The following MACF1 variants were observed in gnomAD, a reference collection of about 807,000 sequenced individuals.
The protein encoded by MACF1 is microtubule actin crosslinking factor 1.
Under a neutral mutation model 854.8 loss-of-function variants are expected in MACF1, and 193 were observed. The observed-to-expected ratio is 0.23, with a 90% CI of 0.20 to 0.25. The LOEUF is 0.25. MACF1 is among the 10% of genes least tolerant of loss of function. MACF1 has a pLI of 1.00. For missense variants in MACF1, 7,722 were observed against 8,929.1 expected (o/e 0.86, Z 5.45); for synonymous variants, 3,185 against 3,226.7 (o/e 0.99, Z 0.44).
At chr1:39,339,247 CCT>C (rs1364112525) in intron 38 of MACF1, among the ~76,000 whole-genome samples, 1 of 151,868 alleles carries the variant, frequency 6.6e-6, no homozygotes, top group Non-Finnish European at 1.5e-5. Context: ...GGAGTGAGAC[CCT>C]GTCTTAAAAA....
chr1:39,259,359 T>A lies in MACF1; in HGVS notation c.528+1331T>A, dbSNP rs535099860. Among the ~76,000 whole-genome samples the A allele has an allele frequency of 5.0e-4, 76 of 152,302 alleles. No individual in the cohort carries two copies. The South Asian group carries it at 0.015, about 30-fold the overall frequency. On this transcript the variant is annotated intron_variant, in intron 6 of 100. Transcript: ENST00000564288. ...TCACTGCAACCTCCGCCTCCTGGGT[T>A]CAAGAGATTCTCCTGCCTCAGCCTC... is the stretch of plus-strand genomic sequence containing the variant.
Position 39,324,345 on chromosome 1 carries a change from G to A in MACF1, c.4389G>A (p.Gln1463=). 6.2e-7 allele frequency: 1 copy of A among 1,613,270 alleles called. No homozygotes were observed. Among genetic ancestry groups the A allele is most frequent in the Non-Finnish European group, 8.5e-7 (1 of 1,179,648 alleles). ...TTGAAAAAGCTATTTTGGAACAGCAGGTGAGAAGAAGGTCCATCTCTGTTT... is the reference window on the plus strand; with the variant it reads ...TTGAAAAAGCTATTTTGGAACAGCAAGTGAGAAGAAGGTCCATCTCTGTTT... ...TDIEKAILEQ[Q]VLSEELTTKK... Residue 1463 remains glutamine (Q), a splice_region_variant and synonymous_variant, in exon 34 of 101, where the codon CAG becomes CAA. Coordinates refer to ENST00000564288, the MANE Select transcript of MACF1 (RefSeq NM_001394062.1).
chr1:39,285,489 G>A (rs1645624908), intron 13 of MACF1, 99 bp downstream of exon 13: 3 of 1,425,712 alleles, frequency 2.1e-6, no homozygotes, highest in African/African-American at 1.4e-5. Flanking sequence ...GAATCCAGAT[G>A]TATTATTTCC....
In MACF1 at chr1:39,150,378, T is replaced by G. The variant is rs543838790; in HGVS notation, c.220+65940T>G. On this transcript the variant is annotated intron_variant, in intron 2 of 93. Transcript: ENST00000361689. ...GTATTTTGCACAGTGTCAAAAAATA[T>G]TTGGTGATTTACAAAGTAAATGGAA... Among the ~76,000 whole-genome samples, 3 of 152,316 alleles carry G rather than the reference T, an allele frequency of 2.0e-5. No homozygotes were observed. The South Asian group carries it at 6.2e-4, about 32-fold the overall frequency.
Position 39,331,934 on chromosome 1 carries a change from C to T in MACF1, c.5346C>T (p.His1782=). ...AGGIVDPRTG[H]RLTVEEAVRH... ...GCATAGTAGATCCAAGAACAGGACA[C>T]AGACTTACAGTGGAAGAGGCTGTAA... is the stretch of plus-strand genomic sequence containing the variant. Residue 1782 remains histidine, a synonymous_variant, in exon 37 of 101, where the codon CAC becomes CAT. Transcript: ENST00000564288. 2 of 1,614,116 alleles carry T rather than the reference C, an allele frequency of 1.2e-6. No individual in the cohort carries two copies. The highest frequency in any genetic ancestry group is 8.5e-7 in the Non-Finnish European group (1 of 1,180,018).
intron 6 of MACF1, among the ~76,000 whole-genome samples, chr1:39,268,202 A>G (rs1645256512): frequency 6.6e-6 from 1 of 151,782 alleles, no homozygotes. Flanking sequence ...CCTTTTTGGT[A>G]CTATTCTCCT....
chr1:39,094,363 T>C (rs1419312120), intron 2 of MACF1, among the ~76,000 whole-genome samples: 2 of 151,478 alleles, frequency 1.3e-5, no homozygotes, highest in Non-Finnish European at 2.9e-5. Flanking sequence ...GCTCACGCCA[T>C]TGCACTTCAG....
intron 99 of MACF1, among the ~76,000 whole-genome samples, chr1:39,482,329 T>A (rs72661992): frequency 1.3e-5 from 2 of 152,358 alleles, no homozygotes; most frequent in Non-Finnish European, 2.9e-5. Context: ...AATCACTTTC[T>A]ATCGCTTATG....
intron 52 of MACF1, among the ~76,000 whole-genome samples, chr1:39,378,057 T>G (rs1649869177): frequency 6.6e-6 from 1 of 152,190 alleles, no homozygotes; most frequent in Non-Finnish European, 1.5e-5. Context: ...ATTTTCATTT[T>G]TATTATATTG....
In MACF1 at chr1:39,442,543, T is replaced by C; in HGVS notation, c.19080T>C (p.Ile6360=). The part of the protein sequence containing the change: ...QRPISGDPKV[I]EVELAKHHVL... ...CAATAAGTGGAGACCCAAAAGTCAT[T>C]GAAGTTGAGCTCGCAAAGCACCATG... is the stretch of plus-strand genomic sequence containing the variant. The change falls in exon 77 of 101, where the codon ATT becomes ATC. Residue 6360 remains isoleucine (I), a synonymous_variant. Coordinates refer to ENST00000564288, the MANE Select transcript of MACF1 (RefSeq NM_001394062.1). 2.5e-6 allele frequency: 4 copies of C among 1,614,180 alleles called. No individual in the cohort carries two copies. The highest frequency in any genetic ancestry group is 3.4e-6 in the Non-Finnish European group (4 of 1,180,040).
rs1408124827 is a variant in MACF1, at chr1:39,333,342, G to A, written c.6754G>A (p.Gly2252Ser). The A allele has an allele frequency of 6.8e-6, 11 of 1,613,994 alleles. No homozygotes were observed. The highest frequency in any genetic ancestry group is 9.3e-6 in the Non-Finnish European group (11 of 1,180,026). The change falls in exon 37 of 101, where the codon GGT becomes AGT. Residue 2252 changes from glycine to serine, a missense_variant. Transcript: ENST00000564288. Reference sequence around the variant, plus strand: ...TCAAGAAGCACAGAACATCGCAGGTGGTAGTATGATGATGTCAGAAAAGAC... The same window carrying A: ...TCAAGAAGCACAGAACATCGCAGGTAGTAGTATGATGATGTCAGAAAAGAC... ...ESQEAQNIAG[G>S]SMMMSEKTDE...
intron 2 of MACF1, among the ~76,000 whole-genome samples, chr1:39,165,448 G>A (rs1047328608): frequency 2.6e-5 from 4 of 152,190 alleles, no homozygotes; most frequent in African/African-American, 2.4e-5. Context: ...GCTAGAGAGG[G>A]TCATCAGCAC....
chr1:39,161,770 G>A (rs557882783), intron 2 of MACF1, among the ~76,000 whole-genome samples: 45 of 152,220 alleles, frequency 3.0e-4, no homozygotes, highest in African/African-American at 1.0e-3. Flanking sequence ...AGGAGGCTGA[G>A]GCAGGAGAAT....
At chr1:39,255,522 T>C (rs1329054917) in intron 5 of MACF1, among the ~76,000 whole-genome samples, 3 of 152,260 alleles carry the variant, frequency 2.0e-5, no homozygotes, top group Admixed American at 6.5e-5. Context: ...TTTTTGACAC[T>C]CATATCAGTA....
At chr1:39,126,887 T>C (rs536142436) in intron 2 of MACF1, among the ~76,000 whole-genome samples, 1 of 152,314 alleles carries the variant, frequency 6.6e-6, no homozygotes, top group South Asian at 2.1e-4. Context: ...AAATTAACTT[T>C]CTTTGGTCTT....
intron 6 of MACF1, among the ~76,000 whole-genome samples, chr1:39,275,159 A>G (rs1004111096): frequency 2.6e-5 from 4 of 151,532 alleles, no homozygotes; most frequent in African/African-American, 9.7e-5. Flanking sequence ...GCTCGCTGCA[A>G]GTTCCATCTC....
At chr1:39,202,253 A>G (rs1644399786), upstream of MACF1, among the ~76,000 whole-genome samples, 1 of 144,428 alleles carries the variant, frequency 6.9e-6, no homozygotes, top group South Asian at 2.4e-4. Context: ...GGCGTGAGCC[A>G]CCACGCCCGG....
chr1:39,324,598 CTT>C, intron 34 of MACF1, 46 bp from the exon 35 acceptor site: 1 of 1,471,772 alleles, frequency 6.8e-7, no homozygotes, highest in Non-Finnish European at 9.3e-7. Context: ...ATTTTTGACT[CTT>C]AATTCTTGGG....
chr1:39,450,610 C>CTTTTTTTTTT (rs11398407), intron 84 of MACF1, among the ~76,000 whole-genome samples: 6 of 115,264 alleles, frequency 5.2e-5, no homozygotes, highest in Non-Finnish European at 8.7e-5. Flanking sequence ...TACTCTATTT[C>CTTTTTTTTTT]TTTTTTTTTT....
Sources: allele counts gnomAD v4.1 joint callset (sites outside exome capture counted in the v4.1 genomes callset), GRCh38; gene constraint gnomAD v4.1.1; transcripts MANE v1.5; gene names NCBI Gene and HGNC (gene_info 2026-07-23, HGNC 2026-07-21).